Variants in KCNQ2 observed in about 807,000 individuals in gnomAD.
The protein encoded by KCNQ2 is potassium voltage-gated channel subfamily KQT member 2.
Under a neutral mutation model 84.8 loss-of-function variants are expected in KCNQ2, and 14 were observed. That is an observed-to-expected ratio of 0.17 (90% confidence interval 0.11 to 0.26). The LOEUF (loss-of-function observed/expected upper bound fraction) is 0.26, where lower values mean the gene tolerates loss of function less well. Ranked by LOEUF, KCNQ2 falls within the 10% of genes least tolerant of loss-of-function variation. KCNQ2 has a pLI of 1.00. For synonymous variants in KCNQ2, 599 were observed against 554.1 expected, an observed-to-expected ratio of 1.08 and a Z score of -1.14; for missense variants, 788 against 1,254.0, an observed-to-expected ratio of 0.63 and a Z score of 5.61.
intron 11 of KCNQ2, among the ~76,000 whole-genome samples, chr20:63,421,858 G>A (rs1343524857): frequency 1.3e-5 from 2 of 152,028 alleles, no homozygotes; most frequent in Non-Finnish European, 2.9e-5. Flanking sequence ...CCCGAGCCCC[G>A]CAGCCTGCCT....
intron 1 of KCNQ2, among the ~76,000 whole-genome samples, chr20:63,464,287 C>T (rs942751052): frequency 6.6e-6 from 1 of 152,000 alleles, no homozygotes; most frequent in African/African-American, 2.4e-5. Flanking sequence ...TTCTCAGAGG[C>T]TGGCCTCTCC....
intron 1 of KCNQ2, among the ~76,000 whole-genome samples, chr20:63,448,755 C>G (rs1296151482): frequency 6.6e-6 from 1 of 152,208 alleles, no homozygotes; most frequent in African/African-American, 2.4e-5. Context: ...CACGGGCATC[C>G]TGGGGGAAGT....
At position 63,414,226 on chromosome 20, in the gene KCNQ2, AG is replaced by A; in HGVS notation, c.1526-34del. 6.6e-7 allele frequency: 1 copy of A among 1,519,922 alleles called. No individual in the cohort carries two copies. Among genetic ancestry groups the A allele is most frequent in the Non-Finnish European group, 9.1e-7 (1 of 1,095,624 alleles). 94.2% of individuals were successfully genotyped at this position (1,519,922 alleles called of 1,614,324 possible). On this transcript the variant is annotated intron_variant, in intron 13 of 16. Transcript: ENST00000359125. This position sits in a 1 kb window ranked among gnomAD's most constrained non-coding sequence, Gnocchi z 6.6. ...GAAGGAGACAGGCCGTGAGGGGCCG[AG>A]GGGGCCGGGAGACCTATTCCCGGGG...
chr20:63,412,022 G>T lies in KCNQ2; in HGVS notation c.1763+1428C>A. 3 of 603,082 alleles carry T rather than the reference G, an allele frequency of 5.0e-6. No homozygotes were observed. In the South Asian group the frequency reaches 5.9e-5, roughly 12 times the overall value. 37.4% of individuals were successfully genotyped at this position (603,082 alleles called of 1,614,324 possible). On this transcript the variant is annotated intron_variant, in intron 15 of 16. Coordinates refer to ENST00000359125, the MANE Select transcript of KCNQ2 (RefSeq NM_172107.4). ...CAGGTGCTCTCCCACAGAGGGTGTGGACGCCGCCTCGCTGGACCTTGGATT... is the reference window on the plus strand; with the variant it reads ...CAGGTGCTCTCCCACAGAGGGTGTGTACGCCGCCTCGCTGGACCTTGGATT...
At position 63,407,460 on chromosome 20, in the gene KCNQ2, C is replaced by G. The variant is rs1281123585; in HGVS notation, c.1888-85G>C. 14 of 1,453,590 alleles carry G rather than the reference C, an allele frequency of 9.6e-6. No homozygotes were observed. The East Asian group carries it at 2.6e-4, about 27-fold the overall frequency. The allele number at this position is 1,453,590 out of a possible 1,614,324, so 90.0% of individuals were successfully genotyped here. On this transcript the variant is annotated intron_variant, in intron 16 of 16. Coordinates refer to ENST00000359125, the MANE Select transcript of KCNQ2 (RefSeq NM_172107.4). This position sits in a 1 kb window ranked among gnomAD's most constrained non-coding sequence, Gnocchi z 7.2. ...AGGCTGCTCCCAGGAAATGGGGGGG[C>G]CCAGGCTGGTTCCAGGAAACAGGAG...
At chr20:63,439,307 C>T (rs2145716679) in intron 6 of KCNQ2, among the ~76,000 whole-genome samples, 1 of 152,368 alleles carries the variant, frequency 6.6e-6, no homozygotes, top group South Asian at 2.1e-4. Context: ...ACCTCCTGCT[C>T]AGCCCCACTC....
At chr20:63,420,662 TCA>T (rs2080440733) in intron 11 of KCNQ2, among the ~76,000 whole-genome samples, 1 of 152,008 alleles carries the variant, frequency 6.6e-6, no homozygotes, top group African/African-American at 2.4e-5. Flanking sequence ...CCGAGCGGCG[TCA>T]CAGACACGGC....
At chr20:63,413,355 C>T (rs1278745820) in intron 15 of KCNQ2, 95 bp downstream of exon 15, 5 of 1,498,794 alleles carry the variant, frequency 3.3e-6, no homozygotes, top group East Asian at 2.3e-5. Flanking sequence ...CCCGCCCACA[C>T]ACCCCCTGCA....
chr20:63,426,048 G>A (rs952392217), intron 10 of KCNQ2, among the ~76,000 whole-genome samples: 4 of 152,194 alleles, frequency 2.6e-5, no homozygotes, highest in Admixed American at 6.5e-5. Flanking sequence ...CGGGAGCCTC[G>A]GGATCGTTCC....
intron 12 of KCNQ2, among the ~76,000 whole-genome samples, chr20:63,417,908 A>C (rs1253855750): frequency 6.6e-6 from 1 of 152,176 alleles, no homozygotes; most frequent in African/African-American, 2.4e-5. Context: ...CCCCAGACAG[A>C]GCCGGCGGGA....
chr20:63,431,069 G>A (rs1476445995), intron 9 of KCNQ2, among the ~76,000 whole-genome samples: 4 of 152,186 alleles, frequency 2.6e-5, no homozygotes, highest in South Asian at 2.1e-4. Flanking sequence ...AGGAAGCAGC[G>A]GCTGGGGGGA....
chr20:63,472,558 G>A lies in KCNQ2; in HGVS notation c.-95C>T, dbSNP rs1418882494. ...GCCCCAGCCCAGGCCCCCCGGCCGGGAGCCGCATGGCCGAGGCGGCGGTTC... is the reference window on the plus strand; with the variant it reads ...GCCCCAGCCCAGGCCCCCCGGCCGGAAGCCGCATGGCCGAGGCGGCGGTTC... On this transcript the variant is annotated 5_prime_UTR_variant, in exon 1 of 17. Coordinates refer to ENST00000359125, the MANE Select transcript of KCNQ2 (RefSeq NM_172107.4). 4 of 1,109,548 alleles carry A rather than the reference G, an allele frequency of 3.6e-6. No individual in the cohort carries two copies. Among genetic ancestry groups the A allele is most frequent in the South Asian group, 8.3e-5 (2 of 24,158 alleles). 68.7% of individuals were successfully genotyped at this position (1,109,548 alleles called of 1,614,324 possible).
chr20:63,413,856 G>A (rs761028382), intron 14 of KCNQ2, among the ~76,000 whole-genome samples: 2 of 152,194 alleles, frequency 1.3e-5, no homozygotes, highest in East Asian at 1.9e-4. Flanking sequence ...GGTGGAGCCC[G>A]GCCTCAGGCC....
chr20:63,468,573 C>T (rs1031027191), intron 1 of KCNQ2, among the ~76,000 whole-genome samples: 3 of 152,226 alleles, frequency 2.0e-5, no homozygotes, highest in African/African-American at 7.2e-5. Flanking sequence ...GCCTGGGCCC[C>T]GGCACCGGGG....
rs1601608037 is a variant in KCNQ2, at chr20:63,425,814, G to A, written c.1218-1608C>T. 6.6e-6 allele frequency among the ~76,000 whole-genome samples: 1 copy of A among 152,212 alleles called. No homozygotes were observed. Among genetic ancestry groups the A allele is most frequent in the Non-Finnish European group, 1.5e-5 (1 of 68,030 alleles). ...ACTTAAATCAGGTATGTGTGAGACC[G>A]TGGGTGTGCGCCAACCTGGGGCTAA... On this transcript the variant is annotated intron_variant, in intron 10 of 16. Coordinates refer to ENST00000359125, the MANE Select transcript of KCNQ2 (RefSeq NM_172107.4). This position sits in a 1 kb window ranked among gnomAD's most constrained non-coding sequence, Gnocchi z 5.5.
At chr20:63,409,070 G>T (rs181631832) in intron 15 of KCNQ2, among the ~76,000 whole-genome samples, 97 of 152,328 alleles carry the variant, frequency 6.4e-4, no homozygotes, top group African/African-American at 2.2e-3. Context: ...TGTCTGCGGC[G>T]GGGACAACAG....
intron 9 of KCNQ2, among the ~76,000 whole-genome samples, chr20:63,430,905 A>G (rs1437548171): frequency 6.6e-6 from 1 of 152,286 alleles, no homozygotes; most frequent in South Asian, 2.1e-4. Flanking sequence ...TTGGCCCCAG[A>G]TGGGTGCCCA....
At position 63,414,388 on chromosome 20, in the gene KCNQ2, C is replaced by G. The variant is rs1308587410; in HGVS notation, c.1526-195G>C. Among the ~76,000 whole-genome samples the G allele has an allele frequency of 1.3e-5, 2 of 152,172 alleles. No individual in the cohort carries two copies. The highest frequency in any genetic ancestry group is 1.5e-5 in the Non-Finnish European group (1 of 68,040). Reference sequence around the variant, plus strand: ...GCTCTCGAGTCAGGACCTTCCCCGGCAGGCTGTGGCCACAGGGAGTGGCCG... The same window carrying G: ...GCTCTCGAGTCAGGACCTTCCCCGGGAGGCTGTGGCCACAGGGAGTGGCCG... On this transcript the variant is annotated intron_variant, in intron 13 of 16. Transcript: ENST00000359125. This position sits in a 1 kb window ranked among gnomAD's most constrained non-coding sequence, Gnocchi z 6.6.
chr20:63,427,241 AAAT>A (rs1303243488), intron 10 of KCNQ2, among the ~76,000 whole-genome samples: 4 of 152,208 alleles, frequency 2.6e-5, no homozygotes, highest in East Asian at 1.9e-4. Context: ...ATAATAAATA[AAAT>A]AATAAAGTCA....
Sources: allele counts gnomAD v4.1 joint callset (sites outside exome capture counted in the v4.1 genomes callset), GRCh38; gene constraint gnomAD v4.1.1; non-coding constraint Gnocchi (gnomAD v3.1); transcripts MANE v1.5; gene names NCBI Gene and HGNC (gene_info 2026-07-23, HGNC 2026-07-21).